The following UBE2C variants were observed in gnomAD, a reference collection of about 807,000 sequenced individuals.
UBE2C encodes ubiquitin conjugating enzyme E2 C, also known as ubiquitin-conjugating enzyme E2 C.
In UBE2C, 16 loss-of-function variants were observed where a neutral mutation model predicts 23.5. The ratio of observed to expected loss-of-function variants is 0.68; its 90% CI spans 0.46 to 1.03. The LOEUF (loss-of-function observed/expected upper bound fraction) is 1.03, where lower values mean the gene tolerates loss of function less well. Ranked by LOEUF, UBE2C falls within the 50% of genes least tolerant of loss-of-function variation. UBE2C has a pLI of 0.00. For missense variants in UBE2C, 192 were observed against 227.6 expected (o/e 0.84, Z 1.01); for synonymous variants, 76 against 91.6 (o/e 0.83, Z 0.97).
intron 3 of UBE2C, 116 bp from the exon 4 acceptor site, chr20:45,815,425 T>C: frequency 6.2e-7 from 1 of 1,613,490 alleles, no homozygotes. Flanking sequence ...CAACAGTTTG[T>C]CTACTGTCCG....
intron 1 of UBE2C, chr20:45,813,018 G>T (rs899009250): frequency 2.7e-5 from 39 of 1,427,372 alleles, no homozygotes; most frequent in Non-Finnish European, 3.5e-5. Flanking sequence ...TGAGATTCGA[G>T]AGATGGGGGA....
intron 3 of UBE2C, 100 bp from the exon 4 acceptor site, chr20:45,815,441 A>C: frequency 6.2e-7 from 1 of 1,614,110 alleles, no homozygotes; most frequent in South Asian, 1.1e-5. Context: ...GTCCGGTCCC[A>C]GAGAAACTCA....
At chr20:45,816,665 A>G in intron 5 of UBE2C, 44 bp from the exon 6 acceptor site, 2 of 1,565,678 alleles carry the variant, frequency 1.3e-6, no homozygotes, top group Non-Finnish European at 1.8e-6. Flanking sequence ...AGATTAACTC[A>G]TCCTGTCTCC....
Position 45,813,426 on chromosome 20 carries a change from T to A in UBE2C, c.102-11T>A, listed in dbSNP as rs772458361. On this transcript the variant is annotated splice_polypyrimidine_tract_variant and intron_variant, in intron 1 of 5. Coordinates refer to ENST00000356455, the MANE Select transcript of UBE2C (RefSeq NM_007019.4). ...CAGACTCCCAGGTAACCCCGAATACTCTTTTTTCAGGCTACAGCAGGAGCT... is the reference window on the plus strand; with the variant it reads ...CAGACTCCCAGGTAACCCCGAATACACTTTTTTCAGGCTACAGCAGGAGCT... 6.2e-7 allele frequency: 1 copy of A among 1,614,056 alleles called. No individual in the cohort carries two copies. The highest frequency in any genetic ancestry group is 1.1e-5 in the South Asian group (1 of 91,076).
chr20:45,813,135 G>A, intron 1 of UBE2C: 1 of 1,400,476 alleles, frequency 7.1e-7, no homozygotes, highest in Non-Finnish European at 9.2e-7. Context: ...GACGCTCAAG[G>A]ACCCTCGTGA....
chr20:45,815,947 CT>C, intron 5 of UBE2C, 34 bp downstream of exon 5: 2 of 1,608,010 alleles, frequency 1.2e-6, no homozygotes. Flanking sequence ...AGGGTGATCC[CT>C]CCCCCAACCT....
rs1485425585 is a variant in UBE2C, at chr20:45,812,928, C to A, written c.101+132C>A. ...GATCTGCGGGTGCAGGAGAACACACCAGGAGCTCGGGGCCTGGCATTCCCC... is the reference window on the plus strand; with the variant it reads ...GATCTGCGGGTGCAGGAGAACACACAAGGAGCTCGGGGCCTGGCATTCCCC... On this transcript the variant is annotated intron_variant, in intron 1 of 5. Coordinates refer to ENST00000356455, the MANE Select transcript of UBE2C (RefSeq NM_007019.4). The A allele has an allele frequency of 7.0e-6, 10 of 1,433,006 alleles. No homozygotes were observed. The East Asian group carries it at 2.5e-4, about 36-fold the overall frequency. The allele number at this position is 1,433,006 out of a possible 1,614,324, so 88.8% of individuals were successfully genotyped here.
intron 1 of UBE2C, 131 bp from the exon 2 acceptor site, chr20:45,813,306 G>C: frequency 1.3e-6 from 2 of 1,583,316 alleles, no homozygotes; most frequent in South Asian, 2.3e-5. Context: ...TATACCCTGA[G>C]CTGAGCCTGA....
In UBE2C at chr20:45,815,624, GCCCTGCTATCACC is replaced by G. The variant is rs772368153; in HGVS notation, c.303_315del (p.Cys102ThrfsTer13). Reference sequence around the variant, plus strand: ...ATGCGCCCACAGTGAAGTTCCTCACGCCCTGCTATCACCCCAACGTGGACACCCAGGGTAACAT... The same window carrying G: ...ATGCGCCCACAGTGAAGTTCCTCACGCCAACGTGGACACCCAGGGTAACAT... On this transcript the variant is annotated frameshift_variant, in exon 4 of 6. Transcript: ENST00000356455. LOFTEE classifies it high-confidence loss of function. The G allele has an allele frequency of 4.4e-5, 71 of 1,613,950 alleles. No individual in the cohort carries two copies. The highest frequency in any genetic ancestry group is 4.7e-5 in the Non-Finnish European group (56 of 1,180,008).
chr20:45,815,394 T>C, intron 3 of UBE2C, 147 bp from the exon 4 acceptor site: 1 of 1,595,552 alleles, frequency 6.3e-7, no homozygotes, highest in East Asian at 2.2e-5. Flanking sequence ...AAAAAGGCAG[T>C]GGGGAGCATC....
chr20:45,812,673 GTC>G lies in UBE2C; in HGVS notation c.-17_-16del, dbSNP rs752678171. 3.2e-6 allele frequency: 5 copies of G among 1,550,724 alleles called. No homozygotes were observed. Among genetic ancestry groups the G allele is most frequent in the Non-Finnish European group, 3.5e-6 (4 of 1,146,810 alleles). On this transcript the variant is annotated 5_prime_UTR_variant, in exon 1 of 6. Coordinates refer to ENST00000356455, the MANE Select transcript of UBE2C (RefSeq NM_007019.4). Reference sequence around the variant, plus strand: ...TTGCAGTCGTGTTCTCCGAGTTCCTGTCTCTCTGCCAACGCCGCCCGGATGGC... The same window carrying G: ...TTGCAGTCGTGTTCTCCGAGTTCCTGTCTCTGCCAACGCCGCCCGGATGGC...
At chr20:45,815,249 T>A in intron 3 of UBE2C, 1 of 761,646 alleles carries the variant, frequency 1.3e-6, no homozygotes, top group Admixed American at 2.8e-5. Context: ...CTAGGCATAG[T>A]GGCTCACACC....
At chr20:45,816,493 CG>C (rs1278010902) in intron 5 of UBE2C, among the ~76,000 whole-genome samples, 2 of 152,084 alleles carry the variant, frequency 1.3e-5, no homozygotes, top group Non-Finnish European at 2.9e-5. Flanking sequence ...AAAAATTAAC[CG>C]GGTATGGTGG....
chr20:45,813,243 CTG>C, intron 1 of UBE2C, 192 bp from the exon 2 acceptor site: 7 of 1,490,324 alleles, frequency 4.7e-6, no homozygotes, highest in African/African-American at 1.4e-5. Context: ...CCGAGGGAGT[CTG>C]GAATTAGGGA....
intron 2 of UBE2C, among the ~76,000 whole-genome samples, 200 bp from the exon 3 acceptor site, chr20:45,814,184 A>G (rs1170050219): frequency 6.7e-6 from 1 of 149,776 alleles, no homozygotes; most frequent in Admixed American, 6.7e-5. Flanking sequence ...TTTTTAGTAG[A>G]GATGGCATAA....
chr20:45,813,816 AGG>A (rs1982165526), intron 2 of UBE2C, among the ~76,000 whole-genome samples: 1 of 152,080 alleles, frequency 6.6e-6, no homozygotes, highest in Admixed American at 6.6e-5. Flanking sequence ...GATGAGATTA[AGG>A]GGAGGCTGGG....
rs1173299988 is a variant in UBE2C, at chr20:45,816,479, C to CA, written c.482-222dup. Among the ~76,000 whole-genome samples the CA allele has an allele frequency of 9.2e-5, 14 of 151,828 alleles. 1 individual carries two copies. Among genetic ancestry groups the CA allele is most frequent in the Admixed American group, 8.5e-4 (13 of 15,254 alleles). Reference sequence around the variant, plus strand: ...GGTGAAACCCCGTCTCTACTAAATACAAAAAAAATTAACCGGGTATGGTGG... The same window carrying CA: ...GGTGAAACCCCGTCTCTACTAAATACAAAAAAAAATTAACCGGGTATGGTGG... On this transcript the variant is annotated intron_variant, in intron 5 of 5. Transcript: ENST00000356455.
At chr20:45,813,555 A>C (rs1982138499) in intron 2 of UBE2C, 91 bp downstream of exon 2, 2 of 1,562,214 alleles carry the variant, frequency 1.3e-6, no homozygotes, top group African/African-American at 2.7e-5. Flanking sequence ...ACATAGGGGT[A>C]ATGTAATTTG....
In UBE2C at chr20:45,815,890, C is replaced by T; in HGVS notation, c.458C>T (p.Ala153Val). Residue 153 changes from alanine (A) to valine (V), a missense_variant, in exon 5 of 6, where the codon GCC (alanine) becomes GTC (valine). Coordinates refer to ENST00000356455, the MANE Select transcript of UBE2C (RefSeq NM_007019.4). ...GATAGTCCCTTGAACACACATGCTG[C>T]CGAGCTCTGGAAAAACCCCACAGGT... ...NIDSPLNTHAAELWKNPTAFK... is the reference protein window; with the variant it reads ...NIDSPLNTHAVELWKNPTAFK... 6.2e-7 allele frequency: 1 copy of T among 1,614,090 alleles called. No individual in the cohort carries two copies. Among genetic ancestry groups the T allele is most frequent in the African/African-American group, 1.3e-5 (1 of 75,022 alleles).
Sources: gnomAD v4.1 joint callset for allele counts (sites outside exome capture counted in the v4.1 genomes callset) on GRCh38, gnomAD v4.1.1 for gene constraint, MANE v1.5 for transcripts, NCBI Gene and HGNC (gene_info 2026-07-23, HGNC 2026-07-21) for gene names.